ZFHX3: variants seen among roughly 807,000 people sequenced by gnomAD.
ZFHX3 encodes the protein zinc finger homeobox protein 3.
ZFHX3 carries 42 observed loss-of-function variants against 279.1 expected under a neutral mutation model. The observed-to-expected ratio is 0.15, with a 90% CI of 0.12 to 0.19. ZFHX3 has a LOEUF of 0.19. Ranked by LOEUF, ZFHX3 falls within the 10% of genes least tolerant of loss-of-function variation. The pLI is 1.00. For synonymous variants in ZFHX3, 2,293 were observed against 1,957.8 expected, an observed-to-expected ratio of 1.17 and a Z score of -4.52; for missense variants, 4,981 against 4,754.0, an observed-to-expected ratio of 1.05 and a Z score of -1.40.
At chr16:73,146,158 G>A (rs530600627) in intron 5 of ZFHX3, among the ~76,000 whole-genome samples, 1 of 152,212 alleles carries the variant, frequency 6.6e-6, no homozygotes. Flanking sequence ...GGCCGGGTGC[G>A]GTGACTCACG....
chr16:73,602,068 G>C lies in ZFHX3; in HGVS notation c.-1547+78112C>G, dbSNP rs575754763. On this transcript the variant is annotated intron_variant, in intron 2 of 17. Coordinates refer to the ZFHX3 transcript ENST00000641206. ...GATTGCTTGAACCTGAGAAGCTGAGGCTTCAGTGAGCTGTGATGTTACCAC... is the reference window on the plus strand; with the variant it reads ...GATTGCTTGAACCTGAGAAGCTGAGCCTTCAGTGAGCTGTGATGTTACCAC... 3.9e-5 allele frequency among the ~76,000 whole-genome samples: 6 copies of C among 152,220 alleles called. No individual in the cohort carries two copies. In the South Asian group the frequency reaches 1.2e-3, roughly 32 times the overall value.
Position 73,687,798 on chromosome 16 carries a change from A to C in ZFHX3, c.-1607-7558T>G, listed in dbSNP as rs1362512291. On this transcript the variant is annotated intron_variant, in intron 1 of 17. Transcript: ENST00000641206. The stretch of plus-strand genomic sequence containing the variant: ...AGGAGGCAGAGGTTGCAGTGAGCCG[A>C]GATTGTGCCACTGCACTCCAAACTG... Among the ~76,000 whole-genome samples, 4 of 95,262 alleles carry C rather than the reference A, an allele frequency of 4.2e-5. No individual in the cohort carries two copies. In the Admixed American group the frequency reaches 4.7e-4, roughly 11 times the overall value. The allele number at this position is 95,262 out of a possible 152,430, so 62.5% of individuals were successfully genotyped here.
At chr16:73,862,631 C>T (rs567480654) in intron 1 of ZFHX3, among the ~76,000 whole-genome samples, 1 of 152,130 alleles carries the variant, frequency 6.6e-6, no homozygotes, top group African/African-American at 2.4e-5. Context: ...TTAAAAGTAG[C>T]CAGGTGTGGT....
At chr16:72,948,313 C>T (rs997808470) in intron 3 of ZFHX3, among the ~76,000 whole-genome samples, 2 of 152,190 alleles carry the variant, frequency 1.3e-5, no homozygotes, top group Non-Finnish European at 2.9e-5. Flanking sequence ...GCTGGGTCCA[C>T]GTTCTACCCT....
chr16:72,992,660 A>G (rs1963136120), intron 1 of ZFHX3, among the ~76,000 whole-genome samples: 2 of 152,222 alleles, frequency 1.3e-5, no homozygotes, highest in Non-Finnish European at 2.9e-5. Flanking sequence ...AGTGGCACCC[A>G]TGTAAAGAGA....
chr16:73,413,809 A>C (rs1382807123), intron 3 of ZFHX3, among the ~76,000 whole-genome samples: 1 of 152,244 alleles, frequency 6.6e-6, no homozygotes, highest in Non-Finnish European at 1.5e-5. Context: ...GTTCAAGGTC[A>C]AAGACTGGAG....
At chr16:73,129,310 C>T (rs971220748) in intron 7 of ZFHX3, among the ~76,000 whole-genome samples, 3 of 151,452 alleles carry the variant, frequency 2.0e-5, no homozygotes, top group African/African-American at 7.3e-5. Context: ...ATCGCTTGAG[C>T]CTGGGAGGTG....
intron 9 of ZFHX3, among the ~76,000 whole-genome samples, chr16:72,792,507 A>C (rs1178171778): frequency 2.0e-5 from 3 of 151,852 alleles, no homozygotes; most frequent in African/African-American, 7.3e-5. Flanking sequence ...CCCAGGCTGG[A>C]GTGCAGTGGC....
chr16:73,134,331 C>CTTTTTTT (rs58052486), intron 6 of ZFHX3, among the ~76,000 whole-genome samples: 31 of 50,316 alleles, frequency 6.2e-4, no homozygotes, highest in African/African-American at 2.9e-3. Flanking sequence ...CTCCCCACCT[C>CTTTTTTT]TTTTTTTTTT....
intron 1 of ZFHX3, among the ~76,000 whole-genome samples, chr16:73,703,890 C>T (rs1258043810): frequency 1.3e-5 from 2 of 152,094 alleles, no homozygotes; most frequent in South Asian, 4.1e-4. Flanking sequence ...GAATAAAAAG[C>T]AAGGTGAAAG....
At chr16:73,521,507 G>C (rs1266535366) in intron 2 of ZFHX3, among the ~76,000 whole-genome samples, 1 of 152,100 alleles carries the variant, frequency 6.6e-6, no homozygotes, top group Admixed American at 6.6e-5. Context: ...CAGGGTAGGA[G>C]GTAGGGTGGT....
At chr16:73,224,666 A>G (rs2012536152) in intron 5 of ZFHX3, among the ~76,000 whole-genome samples, 1 of 152,254 alleles carries the variant, frequency 6.6e-6, no homozygotes, top group Non-Finnish European at 1.5e-5. Flanking sequence ...TATAGTAGCC[A>G]TGTAGAATTG....
intron 2 of ZFHX3, among the ~76,000 whole-genome samples, chr16:73,640,858 T>C (rs977440878): frequency 6.6e-6 from 1 of 152,088 alleles, no homozygotes; most frequent in Non-Finnish European, 1.5e-5. Flanking sequence ...GGTACCCAGC[T>C]CAGTGAACGC....
intron 4 of ZFHX3, among the ~76,000 whole-genome samples, chr16:72,875,399 T>C (rs1356293691): frequency 6.6e-6 from 1 of 152,224 alleles, no homozygotes. Context: ...TTGGAAGCCC[T>C]CTGTGCCAGG....
intron 1 of ZFHX3, among the ~76,000 whole-genome samples, chr16:73,820,379 T>G (rs1960702729): frequency 6.6e-6 from 1 of 151,962 alleles, no homozygotes; most frequent in Non-Finnish European, 1.5e-5. Flanking sequence ...GGCCTGGGAG[T>G]AACTCTTAAC....
chr16:73,180,150 G>C (rs1469340746), intron 5 of ZFHX3, among the ~76,000 whole-genome samples: 2 of 152,150 alleles, frequency 1.3e-5, no homozygotes, highest in Non-Finnish European at 2.9e-5. Flanking sequence ...TCCAGGCTTT[G>C]GCCAGTCGTT....
intron 1 of ZFHX3, among the ~76,000 whole-genome samples, chr16:73,838,612 C>T (rs1040503998): frequency 1.1e-4 from 16 of 152,086 alleles, no homozygotes; most frequent in Non-Finnish European, 1.8e-4. Context: ...ATTTGGGAGT[C>T]AGGTATCAAC....
At chr16:73,143,897 G>C in intron 5 of ZFHX3, 1 of 587,210 alleles carries the variant, frequency 1.7e-6, no homozygotes, top group Middle Eastern at 3.2e-4. Flanking sequence ...CGCAGGCCAA[G>C]TGGCTAATGA....
At chr16:73,151,125 C>T (rs1180512263) in intron 5 of ZFHX3, among the ~76,000 whole-genome samples, 1 of 152,164 alleles carries the variant, frequency 6.6e-6, no homozygotes, top group Non-Finnish European at 1.5e-5. Context: ...ATGTCCACAA[C>T]ACAAAAATTC....
Sources: allele counts gnomAD v4.1 joint callset (sites outside exome capture counted in the v4.1 genomes callset), GRCh38; gene constraint gnomAD v4.1.1; transcripts MANE v1.5; gene names NCBI Gene and HGNC (gene_info 2026-07-23, HGNC 2026-07-21).